Variants in EFCAB6 observed in about 807,000 individuals in gnomAD.
EFCAB6 encodes EF-hand calcium binding domain 6.
In EFCAB6, 156 loss-of-function variants were observed where a neutral mutation model predicts 169.8. The observed-to-expected ratio is 0.92, with a 90% confidence interval of 0.81 to 1.05. EFCAB6 has a LOEUF of 1.05. EFCAB6 is among the 50% of genes least tolerant of loss of function. The pLI, the probability that EFCAB6 is intolerant of heterozygous loss-of-function variation, is 0.00. For missense variants in EFCAB6, 1,800 were observed against 1,829.1 expected, an observed-to-expected ratio of 0.98 and a Z score of 0.29; for synonymous variants, 698 against 676.4, an observed-to-expected ratio of 1.03 and a Z score of -0.50.
intron 11 of EFCAB6, 117 bp from the exon 12 acceptor site, chr22:43,683,972 GCT>G (rs1185762795): frequency 1.1e-5 from 8 of 734,876 alleles, no homozygotes; most frequent in East Asian, 2.6e-5. Flanking sequence ...TCTGTGCGTG[GCT>G]CTTTTTCCTG....
At chr22:43,697,530 T>A (rs755536969) in intron 10 of EFCAB6, among the ~76,000 whole-genome samples, 1 of 152,230 alleles carries the variant, frequency 6.6e-6, no homozygotes, top group African/African-American at 2.4e-5. Context: ...GTTTCCTTTA[T>A]TGTCCAGTTT....
At chr22:43,614,853 A>T (rs922669800) in intron 21 of EFCAB6, among the ~76,000 whole-genome samples, 3 of 152,000 alleles carry the variant, frequency 2.0e-5, no homozygotes, top group Non-Finnish European at 4.4e-5. Context: ...CACAGCACAG[A>T]CAGTCTGCTT....
intron 6 of EFCAB6, among the ~76,000 whole-genome samples, chr22:43,750,394 G>T (rs1405814202): frequency 6.6e-6 from 1 of 152,164 alleles, no homozygotes; most frequent in Non-Finnish European, 1.5e-5. Flanking sequence ...ACTATATTCA[G>T]TTATGATTGA....
rs12628812 is a variant in EFCAB6 at position 43,537,997 on chromosome 22, T to C, written c.3880-452A>G. On this transcript the variant is annotated intron_variant, in intron 28 of 31. Coordinates refer to ENST00000262726, the MANE Select transcript of EFCAB6 (RefSeq NM_022785.4). The surrounding 1 kb of genome is among the most constrained non-coding windows in gnomAD (Gnocchi z 4.3). Reference sequence around the variant, plus strand: ...TGTGGATCAAGTACGAGGCTGTTCTTTGCTTTATTGTATTTCCTATTTAAA... The same window carrying C: ...TGTGGATCAAGTACGAGGCTGTTCTCTGCTTTATTGTATTTCCTATTTAAA... Among the ~76,000 whole-genome samples, 181 of 152,342 alleles carry C rather than the reference T, an allele frequency of 1.2e-3. 4 individuals are homozygous for C. In the East Asian group the frequency reaches 0.025, roughly 21 times the overall value.
At chr22:43,811,635 C>T (rs2063133814) in intron 1 of EFCAB6, among the ~76,000 whole-genome samples, 1 of 152,038 alleles carries the variant, frequency 6.6e-6, no homozygotes, top group African/African-American at 2.4e-5. Context: ...AGAGATTTTG[C>T]CGTGATACAG....
rs1360164451 is a variant in EFCAB6 at position 43,530,486 on chromosome 22, G to T, written c.4383+329C>A. The stretch of plus-strand genomic sequence containing the variant: ...TCAGAGCCTGCAGGAGAGCCCAGGT[G>T]TGGGGAGAGGGCTCGGAGCAGCAGC... On this transcript the variant is annotated intron_variant, in intron 31 of 31. Coordinates refer to ENST00000262726, the MANE Select transcript of EFCAB6 (RefSeq NM_022785.4). The T allele has an allele frequency of 2.8e-5, 27 of 978,212 alleles. No homozygotes were observed. In the Middle Eastern group the frequency reaches 1.6e-3, roughly 57 times the overall value. 60.6% of individuals were successfully genotyped at this position (978,212 alleles called of 1,614,324 possible).
At chr22:43,649,568 A>G (rs913436867) in intron 17 of EFCAB6, among the ~76,000 whole-genome samples, 7 of 152,258 alleles carry the variant, frequency 4.6e-5, no homozygotes, top group African/African-American at 1.7e-4. Flanking sequence ...AAGCATCAGT[A>G]TGTAAGGACA....
intron 25 of EFCAB6, among the ~76,000 whole-genome samples, chr22:43,579,279 C>G (rs2050508297): frequency 6.7e-6 from 1 of 149,868 alleles, no homozygotes; most frequent in Non-Finnish European, 1.5e-5. Context: ...GGCATTATTC[C>G]CTATACGCAG....
intron 6 of EFCAB6, among the ~76,000 whole-genome samples, chr22:43,751,100 A>G (rs1214068625): frequency 6.6e-6 from 1 of 152,196 alleles, no homozygotes; most frequent in Non-Finnish European, 1.5e-5. Context: ...ACGGTACAAG[A>G]GCAAACAGCC....
chr22:43,624,540 C>T (rs570285329), intron 20 of EFCAB6, among the ~76,000 whole-genome samples: 20 of 152,174 alleles, frequency 1.3e-4, no homozygotes, highest in Admixed American at 3.9e-4. Context: ...TCTGTGATCT[C>T]GCAAATGCTC....
At chr22:43,719,885 A>C (rs955389962) in intron 8 of EFCAB6, among the ~76,000 whole-genome samples, 1 of 152,214 alleles carries the variant, frequency 6.6e-6, no homozygotes. Flanking sequence ...TCAGAGTCTG[A>C]AAACTCAGAA....
chr22:43,600,014 G>C (rs1602524640), intron 23 of EFCAB6, 55 bp downstream of exon 23: 1 of 1,544,388 alleles, frequency 6.5e-7, no homozygotes, highest in Non-Finnish European at 8.8e-7. Context: ...GTGCTGTGAG[G>C]CCAGATGTAA....
In EFCAB6 at chr22:43,548,539, C is replaced by CAAAAAAAAAAAAAAAAAAAAAAAAAA. The variant is rs397868076; in HGVS notation, c.3648+6304_3648+6329dup. 3.5e-4 allele frequency among the ~76,000 whole-genome samples: 13 copies of CAAAAAAAAAAAAAAAAAAAAAAAAAA among 36,750 alleles called. 2 individuals carry two copies. Among genetic ancestry groups the CAAAAAAAAAAAAAAAAAAAAAAAAAA allele is most frequent in the African/African-American group, 5.5e-4 (5 of 9,060 alleles). 24.1% of individuals were successfully genotyped at this position (36,750 alleles called of 152,430 possible). A position where few individuals can be genotyped will look rare whatever the true frequency, so the allele number is the denominator to read the frequency against. The stretch of plus-strand genomic sequence containing the variant: ...TGGGTGACAGAGCGAGAATCCATCT[C>CAAAAAAAAAAAAAAAAAAAAAAAAAA]AAAAAAAAAAAAAAAAAAAAAAAAA... On this transcript the variant is annotated intron_variant, in intron 27 of 31. Transcript: ENST00000262726.
chr22:43,579,418 C>T (rs539634415), intron 25 of EFCAB6, among the ~76,000 whole-genome samples: 1 of 150,060 alleles, frequency 6.7e-6, no homozygotes, highest in African/African-American at 2.5e-5. Flanking sequence ...AGGCATCATT[C>T]TGTACATGCA....
rs189763959 is a variant in EFCAB6, at chr22:43,669,668, T to C, written c.1641-623A>G. ...ATATCTTGTGATGGTTTTATGGATA[T>C]TGACATATGATGAATTTCATCATAT... On this transcript the variant is annotated intron_variant, in intron 15 of 31. Transcript: ENST00000262726. 1.1e-4 allele frequency among the ~76,000 whole-genome samples: 16 copies of C among 152,316 alleles called. No homozygotes were observed. In the East Asian group the frequency reaches 2.7e-3, roughly 26 times the overall value.
At chr22:43,759,277 G>A (rs1400839592) in intron 5 of EFCAB6, 1 of 152,200 alleles carries the variant, frequency 6.6e-6, no homozygotes, top group Admixed American at 6.5e-5. Context: ...CAGTACTGGT[G>A]AATAGATTTA....
rs532629650 is a variant in EFCAB6, at chr22:43,537,471, C to T, written c.3954G>A (p.Arg1318=). 289 of 1,614,148 alleles carry T rather than the reference C, an allele frequency of 1.8e-4. 2 individuals carry two copies. The South Asian group carries it at 2.9e-3, about 16-fold the overall frequency. Residue 1318 remains arginine, a synonymous_variant, in exon 29 of 32, where the codon CGG becomes CGA. Coordinates refer to ENST00000262726, the MANE Select transcript of EFCAB6 (RefSeq NM_022785.4). This position sits in a 1 kb window ranked among gnomAD's most constrained non-coding sequence, Gnocchi z 4.3. ...QNCDPIESRL[R]KRIQGCWRQL... is the part of the protein sequence containing the mutation. ...GGCGCCAGCAGCCCTGGATTCTCTTCCGGAGCCTGCTCTCTATGGGATCAC... is the reference window on the plus strand; with the variant it reads ...GGCGCCAGCAGCCCTGGATTCTCTTTCGGAGCCTGCTCTCTATGGGATCAC...
chr22:43,608,110 C>T (rs1020495577), intron 22 of EFCAB6, among the ~76,000 whole-genome samples: 1 of 152,150 alleles, frequency 6.6e-6, no homozygotes, highest in African/African-American at 2.4e-5. Flanking sequence ...TTTCCCTTTA[C>T]CCATTGCATA....
intron 27 of EFCAB6, among the ~76,000 whole-genome samples, chr22:43,547,544 A>C (rs2048131052): frequency 6.6e-6 from 1 of 150,518 alleles, no homozygotes; most frequent in Non-Finnish European, 1.5e-5. Context: ...GTTTGAGACC[A>C]GCCTGGGCAA....
Sources: allele counts gnomAD v4.1 joint callset (sites outside exome capture counted in the v4.1 genomes callset), GRCh38; gene constraint gnomAD v4.1.1; non-coding constraint Gnocchi (gnomAD v3.1); transcripts MANE v1.5; gene names NCBI Gene and HGNC (gene_info 2026-07-23, HGNC 2026-07-21).